The following AKAP19 variants were observed in gnomAD, a reference collection of about 807,000 sequenced individuals.
AKAP19 encodes the protein A-kinase anchoring protein 19.
the AKAP19 span, among the ~76,000 whole-genome samples, chr2:190,073,000 A>G: frequency 1.3e-5 from 2 of 152,188 alleles, no homozygotes; most frequent in Admixed American, 6.5e-5. Context: ...AGATAAAACC[A>G]TAAATTGAGT....
At chr2:190,202,838 C>T in the AKAP19 span, 3 of 167,156 alleles carry the variant, frequency 1.8e-5, no homozygotes, top group East Asian at 3.9e-4. Flanking sequence ...ACTCACTTAA[C>T]CCCACAAACA....
the AKAP19 span, among the ~76,000 whole-genome samples, chr2:189,995,088 T>C: frequency 6.6e-6 from 1 of 152,228 alleles, no homozygotes. Context: ...CTGAAAATAA[T>C]GTATATTCTG....
the AKAP19 span, among the ~76,000 whole-genome samples, chr2:190,112,623 ATTC>A: frequency 1.6e-4 from 25 of 152,168 alleles, no homozygotes; most frequent in Middle Eastern, 3.4e-3. Context: ...ACATTATCAA[ATTC>A]TTCTTCTACA....
At chr2:189,903,371 T>A in the AKAP19 span, among the ~76,000 whole-genome samples, 3 of 152,072 alleles carry the variant, frequency 2.0e-5, no homozygotes, top group Non-Finnish European at 2.9e-5. Flanking sequence ...CAATTATTTT[T>A]AAAATACTGC....
chr2:190,099,656 C>A, the AKAP19 span, among the ~76,000 whole-genome samples: 2 of 152,154 alleles, frequency 1.3e-5, no homozygotes, highest in African/African-American at 4.8e-5. Context: ...AGAGTTGCCA[C>A]AAACTCAATT....
chr2:190,039,009 C>CTTTCTT, the AKAP19 span, among the ~76,000 whole-genome samples: 2 of 119,274 alleles, frequency 1.7e-5, no homozygotes, highest in Non-Finnish European at 3.3e-5. Context: ...TCTTCTTCTT[C>CTTTCTT]CTCTTCCTCT....
At chr2:189,954,844 A>G in the AKAP19 span, among the ~76,000 whole-genome samples, 4 of 152,228 alleles carry the variant, frequency 2.6e-5, no homozygotes, top group Non-Finnish European at 5.9e-5. Flanking sequence ...ACATTTTTGC[A>G]TACTACTGAT....
the AKAP19 span, among the ~76,000 whole-genome samples, chr2:189,945,263 T>C: frequency 3.9e-5 from 6 of 152,112 alleles, no homozygotes; most frequent in African/African-American, 1.4e-4. Context: ...TAAATGTAAC[T>C]GAGACCAAAA....
At chr2:190,104,689 C>T in the AKAP19 span, among the ~76,000 whole-genome samples, 13 of 152,042 alleles carry the variant, frequency 8.6e-5, no homozygotes, top group Non-Finnish European at 1.8e-4. Context: ...ACTCAGATGG[C>T]TGAGGTATGA....
At chr2:190,146,555 T>C in the AKAP19 span, among the ~76,000 whole-genome samples, 2 of 152,220 alleles carry the variant, frequency 1.3e-5, no homozygotes, top group Non-Finnish European at 2.9e-5. Context: ...GTTCTACTTT[T>C]AGTTCTTTAA....
chr2:190,098,421 G>C, the AKAP19 span, among the ~76,000 whole-genome samples: 12 of 152,206 alleles, frequency 7.9e-5, no homozygotes, highest in Non-Finnish European at 1.6e-4. Context: ...TTGTCAATGA[G>C]CAGTAATATT....
chr2:190,099,769 G>C, the AKAP19 span, among the ~76,000 whole-genome samples: 1 of 152,124 alleles, frequency 6.6e-6, no homozygotes. Flanking sequence ...TTCTTGATAA[G>C]TAAATACATT....
chr2:190,046,000 C>T, the AKAP19 span, among the ~76,000 whole-genome samples: 1 of 152,340 alleles, frequency 6.6e-6, no homozygotes, highest in South Asian at 2.1e-4. Context: ...AGCATGATTT[C>T]CCAGGGTCGC....
chr2:190,105,687 T>C, the AKAP19 span, among the ~76,000 whole-genome samples: 1 of 152,232 alleles, frequency 6.6e-6, no homozygotes, highest in African/African-American at 2.4e-5. Context: ...AGTGAGTCGA[T>C]GTCACTATGA....
the AKAP19 span, among the ~76,000 whole-genome samples, chr2:189,894,059 C>T: frequency 6.6e-6 from 1 of 152,120 alleles, no homozygotes; most frequent in African/African-American, 2.4e-5. Flanking sequence ...AAGGGTCTGG[C>T]TTCAATAAAA....
chr2:190,136,539 C>G, the AKAP19 span, among the ~76,000 whole-genome samples: 7 of 152,222 alleles, frequency 4.6e-5, no homozygotes, highest in African/African-American at 1.7e-4. Context: ...AGTAAACAAG[C>G]CTGTTTGAGA....
At chr2:190,141,808 T>G in the AKAP19 span, among the ~76,000 whole-genome samples, 1 of 152,126 alleles carries the variant, frequency 6.6e-6, no homozygotes, top group African/African-American at 2.4e-5. Flanking sequence ...TGATACCCGG[T>G]TTTTGAGAGA....
At chr2:189,992,423 G>A in the AKAP19 span, among the ~76,000 whole-genome samples, 1 of 152,110 alleles carries the variant, frequency 6.6e-6, no homozygotes, top group Non-Finnish European at 1.5e-5. Context: ...TTTGGTAACT[G>A]TAGCCTTGTA....
At chr2:190,092,614 A>G in the AKAP19 span, among the ~76,000 whole-genome samples, 3 of 152,118 alleles carry the variant, frequency 2.0e-5, no homozygotes, top group Non-Finnish European at 4.4e-5. Flanking sequence ...CAATATGTAT[A>G]TGTACTATTT....
Sources: allele counts gnomAD v4.1 joint callset (sites outside exome capture counted in the v4.1 genomes callset), GRCh38; gene constraint gnomAD v4.1.1; transcripts MANE v1.5; gene names NCBI Gene and HGNC (gene_info 2026-07-23, HGNC 2026-07-21).